The following ATL3 variants were observed in gnomAD, a reference collection of about 807,000 sequenced individuals.
ATL3 encodes the protein atlastin-3.
ATL3 carries 49 observed loss-of-function variants against 69.5 expected under a neutral mutation model. The observed-to-expected ratio is 0.71, with a 90% confidence interval of 0.56 to 0.89. The LOEUF (loss-of-function observed/expected upper bound fraction) is 0.89. ATL3 is among the 40% of genes least tolerant of loss of function. The pLI is 0.00. For synonymous variants in ATL3, 214 were observed against 224.1 expected (o/e 0.95, Z 0.40); for missense variants, 606 against 645.7 (o/e 0.94, Z 0.67).
chr11:63,626,708 C>T lies in ATL3; in HGVS notation c.*2611G>A, dbSNP rs1939124101. On this transcript the variant is annotated 3_prime_UTR_variant, in exon 13 of 13. Transcript: ENST00000398868. ...GAGCAACAGACACGACGCAAACAGG[C>T]ACAGTCTGAGCATCTGAACCACAAG... 1 of 152,112 alleles carries T rather than the reference C, an allele frequency of 6.6e-6. No individual in the cohort carries two copies. The highest frequency in any genetic ancestry group is 2.1e-4 in the South Asian group (1 of 4,834). 9.4% of individuals were successfully genotyped at this position (152,112 alleles called of 1,614,324 possible).
intron 1 of ATL3, among the ~76,000 whole-genome samples, chr11:63,666,258 C>T (rs113269086): frequency 0.014 from 2,180 of 152,202 alleles, 52 homozygotes; most frequent in African/African-American, 0.049. Flanking sequence ...AGGCTGGTCT[C>T]GAACTCCTGA....
chr11:63,643,042 T>C (rs1204978314), intron 8 of ATL3, among the ~76,000 whole-genome samples: 2 of 152,264 alleles, frequency 1.3e-5, no homozygotes, highest in Non-Finnish European at 2.9e-5. Flanking sequence ...AAGTTAATTT[T>C]ACTTAATATT....
At chr11:63,666,748 C>T (rs1940585178) in intron 1 of ATL3, among the ~76,000 whole-genome samples, 1 of 152,226 alleles carries the variant, frequency 6.6e-6, no homozygotes, top group Middle Eastern at 3.4e-3. Flanking sequence ...ATCTAGTCTC[C>T]GGGGAGGGTA....
chr11:63,630,574 G>A (rs1939278802), intron 12 of ATL3, among the ~76,000 whole-genome samples: 1 of 152,046 alleles, frequency 6.6e-6, no homozygotes, highest in African/African-American at 2.4e-5. Context: ...GAGGCAGGCG[G>A]ACCATGAGGT....
At chr11:63,634,940 T>C (rs1454413597) in intron 10 of ATL3, among the ~76,000 whole-genome samples, 5 of 151,780 alleles carry the variant, frequency 3.3e-5, no homozygotes, top group African/African-American at 1.2e-4. Context: ...GACGGTCGGA[T>C]TGCTTGAGTC....
intron 4 of ATL3, 21 bp from the exon 5 acceptor site, chr11:63,652,007 T>C (rs780949051): frequency 6.3e-7 from 1 of 1,599,130 alleles, no homozygotes; most frequent in South Asian, 1.1e-5. Flanking sequence ...AAAATCCAGA[T>C]TGATACTACT....
intron 11 of ATL3, chr11:63,632,808 A>T (rs1939366649): frequency 2.7e-6 from 2 of 752,638 alleles, no homozygotes; most frequent in African/African-American, 3.5e-5. Context: ...TTACCAATAA[A>T]CTATTTGCTA....
intron 3 of ATL3, among the ~76,000 whole-genome samples, chr11:63,657,627 T>C (rs1940296936): frequency 6.6e-6 from 1 of 152,250 alleles, no homozygotes; most frequent in African/African-American, 2.4e-5. Flanking sequence ...TTAGAAGCCT[T>C]ACAGTAGTAC....
At chr11:63,629,698 C>G (rs1939241150) in intron 12 of ATL3, among the ~76,000 whole-genome samples, 1 of 152,174 alleles carries the variant, frequency 6.6e-6, no homozygotes, top group African/African-American at 2.4e-5. Context: ...TCTCAAAGAT[C>G]TACAAAACTT....
In ATL3 at chr11:63,636,276, T is replaced by C. The variant is rs1489593199; in HGVS notation, c.909A>G (p.Pro303=). The part of the protein sequence containing the change: ...LQALIPYVLN[P]SKLMEKEING... ...TGATCTCCTTTTCCATTAACTTAGA[T>C]GGGTTTAATACATACGGTATCAGTG... Residue 303 remains proline, a synonymous_variant, in exon 9 of 13, where the codon CCA becomes CCG. Coordinates refer to ENST00000398868, the MANE Select transcript of ATL3 (RefSeq NM_015459.5). The C allele has an allele frequency of 2.2e-5, 36 of 1,613,978 alleles. No homozygotes were observed. In the Admixed American group the frequency reaches 6.0e-4, roughly 27 times the overall value.
intron 11 of ATL3, 34 bp from the exon 12 acceptor site, chr11:63,631,505 T>G: frequency 6.5e-7 from 1 of 1,534,548 alleles, no homozygotes; most frequent in East Asian, 2.3e-5. Flanking sequence ...TGTTAAAAGA[T>G]CTCTTCAAAA....
intron 10 of ATL3, among the ~76,000 whole-genome samples, chr11:63,634,782 A>G (rs576255474): frequency 6.6e-6 from 1 of 152,146 alleles, no homozygotes; most frequent in East Asian, 1.9e-4. Context: ...CACTTCGGGA[A>G]GCTGAGGCAG....
intron 11 of ATL3, 142 bp from the exon 12 acceptor site, chr11:63,631,613 G>A: frequency 3.9e-6 from 3 of 763,294 alleles, no homozygotes; most frequent in Non-Finnish European, 2.1e-6. Context: ...AGATGACTAA[G>A]ACCAATAAAG....
intron 1 of ATL3, among the ~76,000 whole-genome samples, chr11:63,670,072 C>G (rs1223487504): frequency 6.6e-6 from 1 of 152,148 alleles, no homozygotes; most frequent in Non-Finnish European, 1.5e-5. Flanking sequence ...CGCCATTGCA[C>G]TCCAGCCTGG....
chr11:63,653,870 T>C (rs939271863), intron 3 of ATL3, among the ~76,000 whole-genome samples: 2 of 152,126 alleles, frequency 1.3e-5, no homozygotes, highest in East Asian at 3.9e-4. Flanking sequence ...TTACAGAGAA[T>C]GTTTAGGGCA....
intron 1 of ATL3, among the ~76,000 whole-genome samples, chr11:63,669,598 C>T (rs1050928600): frequency 6.6e-6 from 1 of 151,998 alleles, no homozygotes; most frequent in African/African-American, 2.4e-5. Context: ...ACATCTATCC[C>T]GTTACTTCTA....
At chr11:63,671,699 C>G (rs188856791), upstream of ATL3, 525 of 1,304,770 alleles carry the variant, frequency 4.0e-4, no homozygotes, top group Admixed American at 1.1e-3. Flanking sequence ...CACTGGGTCC[C>G]GGCCAGCGGT....
chr11:63,631,527 A>G, intron 11 of ATL3, 56 bp from the exon 12 acceptor site: 1 of 1,390,454 alleles, frequency 7.2e-7, no homozygotes, highest in East Asian at 2.3e-5. Context: ...CAAGTGCCAA[A>G]TAAAACATGA....
At chr11:63,666,443 C>A (rs1264399691) in intron 1 of ATL3, among the ~76,000 whole-genome samples, 2 of 152,126 alleles carry the variant, frequency 1.3e-5, no homozygotes, top group Non-Finnish European at 2.9e-5. Flanking sequence ...TCAGAAGTAA[C>A]CTGTGGAAAT....
Sources: gnomAD v4.1 joint callset for allele counts (sites outside exome capture counted in the v4.1 genomes callset) on GRCh38, gnomAD v4.1.1 for gene constraint, MANE v1.5 for transcripts, NCBI Gene and HGNC (gene_info 2026-07-23, HGNC 2026-07-21) for gene names.